RBFOX1: variants seen among roughly 807,000 people sequenced by gnomAD.
RBFOX1 encodes RNA binding fox-1 homolog 1, also known as RNA binding protein fox-1 homolog 1.
In RBFOX1, 8 loss-of-function variants were observed where a neutral mutation model predicts 57.7. The observed-to-expected ratio is 0.14, with a 90% CI of 0.08 to 0.25. The LOEUF (loss-of-function observed/expected upper bound fraction) is 0.25, where lower values mean the gene tolerates loss of function less well. Among genes scored for constraint, RBFOX1 ranks in the 10% least tolerant of loss-of-function variants. The pLI is 1.00. For synonymous variants in RBFOX1, 326 were observed against 222.4 expected (o/e 1.47, Z -4.15); for missense variants, 611 against 548.5 (o/e 1.11, Z -1.14).
chr16:6,251,795 G>C (rs985091202), intron 1 of RBFOX1, among the ~76,000 whole-genome samples: 1 of 151,886 alleles, frequency 6.6e-6, no homozygotes, highest in Non-Finnish European at 1.5e-5. Flanking sequence ...ACTTCACTTC[G>C]GGACTTCTCA....
At chr16:5,642,549 A>C (rs1248914220) in intron 3 of RBFOX1, among the ~76,000 whole-genome samples, 3 of 152,168 alleles carry the variant, frequency 2.0e-5, no homozygotes, top group Admixed American at 2.0e-4. Context: ...TCACATAAGC[A>C]AGTGCTTATT....
At chr16:7,674,293 G>T (rs1474844377) in intron 13 of RBFOX1, among the ~76,000 whole-genome samples, 1 of 152,134 alleles carries the variant, frequency 6.6e-6, no homozygotes, top group Non-Finnish European at 1.5e-5. Flanking sequence ...TTGGCCACCA[G>T]TCCCCATGTG....
chr16:7,650,204 T>G (rs997477402), intron 11 of RBFOX1, among the ~76,000 whole-genome samples: 1 of 152,086 alleles, frequency 6.6e-6, no homozygotes, highest in Admixed American at 6.5e-5. Context: ...TGGCCAGCCC[T>G]AGATTAACAA....
intron 4 of RBFOX1, among the ~76,000 whole-genome samples, chr16:7,513,505 A>G (rs185865452): frequency 2.0e-5 from 3 of 152,314 alleles, no homozygotes; most frequent in East Asian, 1.9e-4. Context: ...CCTTGGCACT[A>G]TTAACATTTG....
intron 4 of RBFOX1, among the ~76,000 whole-genome samples, chr16:7,267,537 A>T (rs917935792): frequency 1.3e-4 from 20 of 151,770 alleles, no homozygotes; most frequent in African/African-American, 4.8e-4. Flanking sequence ...CTCTATCTCG[A>T]CAAAAAATTT....
chr16:5,864,690 A>G (rs1214433053), intron 3 of RBFOX1, among the ~76,000 whole-genome samples: 1 of 152,142 alleles, frequency 6.6e-6, no homozygotes, highest in Non-Finnish European at 1.5e-5. Flanking sequence ...ATATGGATGG[A>G]TCATAATTGA....
intron 3 of RBFOX1, among the ~76,000 whole-genome samples, chr16:6,883,507 A>T (rs1244457472): frequency 6.6e-6 from 1 of 152,222 alleles, no homozygotes; most frequent in African/African-American, 2.4e-5. Context: ...ATATTTACTT[A>T]TAACTTGTTG....
At chr16:7,340,428 C>A (rs905880680) in intron 4 of RBFOX1, among the ~76,000 whole-genome samples, 1 of 152,148 alleles carries the variant, frequency 6.6e-6, no homozygotes, top group Admixed American at 6.5e-5. Flanking sequence ...TCAGATTTGC[C>A]AAAGGCAGGG....
intron 3 of RBFOX1, among the ~76,000 whole-genome samples, chr16:6,810,271 T>C (rs1388941705): frequency 6.6e-6 from 1 of 152,134 alleles, no homozygotes; most frequent in East Asian, 1.9e-4. Flanking sequence ...CATTTTGTGA[T>C]TCAAATTGGT....
intron 3 of RBFOX1, among the ~76,000 whole-genome samples, chr16:6,862,895 G>T (rs1307980699): frequency 7.0e-6 from 1 of 143,112 alleles, no homozygotes; most frequent in Non-Finnish European, 1.6e-5. Flanking sequence ...TGAGGCAGGA[G>T]AATCACTTGA....
chr16:6,927,159 G>A (rs2075738660), intron 3 of RBFOX1, among the ~76,000 whole-genome samples: 1 of 152,002 alleles, frequency 6.6e-6, no homozygotes, highest in Non-Finnish European at 1.5e-5. Context: ...ACCCTCAGAA[G>A]TTCTGAATTG....
At chr16:6,387,545 A>C (rs980287148) in intron 2 of RBFOX1, among the ~76,000 whole-genome samples, 27 of 152,104 alleles carry the variant, frequency 1.8e-4, no homozygotes, top group African/African-American at 6.5e-4. Flanking sequence ...TAAATTCAAG[A>C]TATTTGGGAT....
At chr16:6,521,606 A>G (rs954220637) in intron 2 of RBFOX1, among the ~76,000 whole-genome samples, 5 of 151,614 alleles carry the variant, frequency 3.3e-5, no homozygotes, top group Non-Finnish European at 5.9e-5. Flanking sequence ...AACACCAGCA[A>G]TCACACATGT....
chr16:5,270,535 T>G (rs1442205608), intron 1 of RBFOX1: 1 of 615,054 alleles, frequency 1.6e-6, no homozygotes, highest in Non-Finnish European at 3.0e-6. Flanking sequence ...CAACAATGAT[T>G]GAAACTCATG....
At chr16:6,888,632 C>G (rs1193284172) in intron 3 of RBFOX1, among the ~76,000 whole-genome samples, 1 of 152,068 alleles carries the variant, frequency 6.6e-6, no homozygotes, top group Non-Finnish European at 1.5e-5. Flanking sequence ...CAGGCTGTTC[C>G]TTGCAGGTCA....
intron 4 of RBFOX1, among the ~76,000 whole-genome samples, chr16:7,506,421 G>C (rs529689535): frequency 5.9e-5 from 9 of 152,006 alleles, no homozygotes; most frequent in Non-Finnish European, 1.0e-4. Flanking sequence ...CGGTGTGTTG[G>C]ATTCTTGTTA....
At chr16:6,173,467 A>G (rs531407476) in intron 1 of RBFOX1, among the ~76,000 whole-genome samples, 3 of 152,162 alleles carry the variant, frequency 2.0e-5, no homozygotes, top group South Asian at 4.1e-4. Flanking sequence ...ATGTGCACAC[A>G]TAGACACACA....
intron 1 of RBFOX1, among the ~76,000 whole-genome samples, chr16:6,039,968 A>G (rs78763534): frequency 0.06 from 9,191 of 152,234 alleles, 370 homozygotes; most frequent in Non-Finnish European, 0.089. Flanking sequence ...GCCATGATAG[A>G]GAGGTGCTTA....
At chr16:6,204,562 A>T (rs765320786) in intron 1 of RBFOX1, among the ~76,000 whole-genome samples, 17 of 152,194 alleles carry the variant, frequency 1.1e-4, no homozygotes, top group Non-Finnish European at 2.2e-4. Flanking sequence ...GGTTATTTGA[A>T]CCCAGGCATA....
Sources: allele counts gnomAD v4.1 joint callset (sites outside exome capture counted in the v4.1 genomes callset), GRCh38; gene constraint gnomAD v4.1.1; transcripts MANE v1.5; gene names NCBI Gene and HGNC (gene_info 2026-07-23, HGNC 2026-07-21).